RANBP2: variants seen among roughly 807,000 people sequenced by gnomAD.
RANBP2 encodes the protein E3 SUMO-protein ligase RanBP2.
RANBP2 carries 57 observed loss-of-function variants against 303.6 expected under a neutral mutation model. The ratio of observed to expected loss-of-function variants is 0.19; its 90% CI spans 0.15 to 0.23. RANBP2 has a LOEUF of 0.23. Among genes scored for constraint, RANBP2 ranks in the 10% least tolerant of loss-of-function variants. The pLI, the probability that RANBP2 is intolerant of heterozygous loss-of-function variation, is 1.00. For missense variants in RANBP2, 3,138 were observed against 3,780.8 expected, an observed-to-expected ratio of 0.83 and a Z score of 4.46; for synonymous variants, 1,167 against 1,301.5, an observed-to-expected ratio of 0.90 and a Z score of 2.23.
chr2:108,849,488 A>G, the RANBP2 span, among the ~76,000 whole-genome samples: 1 of 151,994 alleles, frequency 6.6e-6, no homozygotes, highest in Non-Finnish European at 1.5e-5. Context: ...GTGACTCTCC[A>G]TGACCTTTTC....
At chr2:109,033,145 G>A in the RANBP2 span, among the ~76,000 whole-genome samples, 1 of 152,242 alleles carries the variant, frequency 6.6e-6, no homozygotes, top group Non-Finnish European at 1.5e-5. Flanking sequence ...TTCTCTGAGA[G>A]GTGATGACTT....
At chr2:109,188,688 T>G in the RANBP2 span, among the ~76,000 whole-genome samples, 1 of 152,292 alleles carries the variant, frequency 6.6e-6, no homozygotes, top group Admixed American at 6.5e-5. Context: ...TGCTCCTGAC[T>G]TTGCAAGACC....
chr2:109,734,823 A>G, the RANBP2 span, among the ~76,000 whole-genome samples: 1 of 152,230 alleles, frequency 6.6e-6, no homozygotes, highest in Non-Finnish European at 1.5e-5. Context: ...AGAGACTCAG[A>G]AAAAGGTCTC....
chr2:109,669,889 C>T, the RANBP2 span, among the ~76,000 whole-genome samples: 128 of 143,524 alleles, frequency 8.9e-4, no homozygotes, highest in Non-Finnish European at 1.2e-3. Flanking sequence ...CTGGATAGCA[C>T]CCCCAACCCA....
At chr2:109,346,996 A>G in the RANBP2 span, among the ~76,000 whole-genome samples, 7 of 152,134 alleles carry the variant, frequency 4.6e-5, no homozygotes, top group South Asian at 1.0e-3. Flanking sequence ...TGTGCTCCAC[A>G]CAGGCTGTTT....
At chr2:109,121,061 A>G in the RANBP2 span, among the ~76,000 whole-genome samples, 1 of 152,190 alleles carries the variant, frequency 6.6e-6, no homozygotes, top group Admixed American at 6.5e-5. Flanking sequence ...CCTAGCTAAC[A>G]TGGTGAAACC....
the RANBP2 span, among the ~76,000 whole-genome samples, chr2:109,049,276 A>G: frequency 1.9e-4 from 29 of 152,200 alleles, no homozygotes; most frequent in African/African-American, 7.0e-4. Context: ...GAGAAGGCCA[A>G]GGGAGATGCC....
the RANBP2 span, among the ~76,000 whole-genome samples, chr2:109,121,237 A>G: frequency 2.7e-5 from 4 of 145,996 alleles, no homozygotes; most frequent in African/African-American, 1.0e-4. Context: ...ACAGAGTGAC[A>G]CTCCATCTCT....
the RANBP2 span, among the ~76,000 whole-genome samples, chr2:109,396,884 G>A: frequency 6.6e-6 from 1 of 152,230 alleles, no homozygotes; most frequent in Non-Finnish European, 1.5e-5. Context: ...GCCTGCTGTG[G>A]TTCCCACCTT....
At chr2:109,000,078 C>T in the RANBP2 span, among the ~76,000 whole-genome samples, 1 of 152,214 alleles carries the variant, frequency 6.6e-6, no homozygotes, top group Admixed American at 6.5e-5. Flanking sequence ...AATGCAGCAA[C>T]GTATCTGCAG....
chr2:109,489,590 G>A, the RANBP2 span, among the ~76,000 whole-genome samples: 1 of 152,218 alleles, frequency 6.6e-6, no homozygotes, highest in Non-Finnish European at 1.5e-5. Flanking sequence ...TGACAGAGAG[G>A]GCTGTGTTGT....
At chr2:109,092,455 C>T in the RANBP2 span, among the ~76,000 whole-genome samples, 3 of 152,180 alleles carry the variant, frequency 2.0e-5, no homozygotes, top group African/African-American at 7.2e-5. Flanking sequence ...GTATATTTTG[C>T]TGGGATAGAA....
chr2:108,927,811 C>T, the RANBP2 span, among the ~76,000 whole-genome samples: 1 of 152,184 alleles, frequency 6.6e-6, no homozygotes, highest in Non-Finnish European at 1.5e-5. Context: ...CACCTCCCCA[C>T]CAAGCACCCT....
At chr2:109,436,789 C>T in the RANBP2 span, 1 of 1,469,232 alleles carries the variant, frequency 6.8e-7, no homozygotes. Context: ...AGTTGGCCTT[C>T]ATCTCTTAAA....
chr2:108,992,250 G>A, the RANBP2 span, among the ~76,000 whole-genome samples: 21 of 152,174 alleles, frequency 1.4e-4, no homozygotes, highest in African/African-American at 4.8e-4. Context: ...TCTACGTGCC[G>A]GTACTGTTCC....
the RANBP2 span, among the ~76,000 whole-genome samples, chr2:109,398,239 C>G: frequency 1.3e-5 from 2 of 152,192 alleles, no homozygotes; most frequent in African/African-American, 4.8e-5. Flanking sequence ...ATGGGGCTTC[C>G]TTCCCATCTT....
At chr2:108,866,557 C>T in the RANBP2 span, among the ~76,000 whole-genome samples, 2 of 152,288 alleles carry the variant, frequency 1.3e-5, no homozygotes, top group South Asian at 2.1e-4. Flanking sequence ...TTATGTTTTA[C>T]AGTGCAGTTA....
the RANBP2 span, among the ~76,000 whole-genome samples, chr2:109,516,770 C>T: frequency 6.6e-6 from 1 of 152,262 alleles, no homozygotes; most frequent in Non-Finnish European, 1.5e-5. Context: ...AACTTCCTAC[C>T]TCTTGCCTTC....
chr2:109,467,456 C>T, the RANBP2 span, among the ~76,000 whole-genome samples: 1 of 152,134 alleles, frequency 6.6e-6, no homozygotes, highest in Non-Finnish European at 1.5e-5. Flanking sequence ...GAAAGCAGCT[C>T]GGGGGTTTCC....
Sources: allele counts gnomAD v4.1 joint callset (sites outside exome capture counted in the v4.1 genomes callset), GRCh38; gene constraint gnomAD v4.1.1; transcripts MANE v1.5; gene names NCBI Gene and HGNC (gene_info 2026-07-23, HGNC 2026-07-21).